Variants in COG4 observed in about 807,000 individuals in gnomAD.
COG4 encodes the protein conserved oligomeric Golgi complex subunit 4.
A neutral mutation model predicts 95.1 loss-of-function variants in COG4; 65 were observed. The observed-to-expected ratio is 0.68, with a 90% CI of 0.56 to 0.84. The LOEUF is 0.84. Among genes scored for constraint, COG4 ranks in the 40% least tolerant of loss-of-function variants. The pLI is 0.00. For missense variants in COG4, 1,045 were observed against 989.1 expected (o/e 1.06, Z -0.76); for synonymous variants, 421 against 374.8 (o/e 1.12, Z -1.42).
At chr16:70,490,911 G>A (rs536821465) in intron 12 of COG4, among the ~76,000 whole-genome samples, 2 of 151,894 alleles carry the variant, frequency 1.3e-5, no homozygotes, top group South Asian at 4.2e-4. Flanking sequence ...TGCCCACCTC[G>A]GCCTCCCAAA....
rs748072984 is a variant in COG4 at position 70,512,306 on chromosome 16, T to C, written c.671A>G (p.Lys224Arg). ...GDLPQVERFF[K>R]IFPLLGLHEE... Reference sequence around the variant, plus strand: ...ATGCAAACCCAGCAGTGGGAAGATCTTGAAGAAGCGCTCCACCTGGGGCAG... The same window carrying C: ...ATGCAAACCCAGCAGTGGGAAGATCCTGAAGAAGCGCTCCACCTGGGGCAG... The change falls in exon 5 of 19, where the codon AAG becomes AGG. Residue 224 changes from lysine (K) to arginine (R), a missense_variant. Transcript: ENST00000323786. 16 of 1,614,044 alleles carry C rather than the reference T, an allele frequency of 9.9e-6. No homozygotes were observed. The highest frequency in any genetic ancestry group is 1.7e-5 in the Admixed American group (1 of 59,986).
chr16:70,483,847 G>A lies in COG4; in HGVS notation c.1827+6C>T, dbSNP rs775214191. ...GATTCAGTCAGCAGTTGAACCTGGGGCTTACCTGCAAGAGGTCTCGGAATT... is the reference window on the plus strand; with the variant it reads ...GATTCAGTCAGCAGTTGAACCTGGGACTTACCTGCAAGAGGTCTCGGAATT... On this transcript the variant is annotated splice_donor_region_variant and intron_variant, in intron 14 of 18. Transcript: ENST00000323786. 17 of 1,603,346 alleles carry A rather than the reference G, an allele frequency of 1.1e-5. No individual in the cohort carries two copies. Among genetic ancestry groups the A allele is most frequent in the Non-Finnish European group, 1.4e-5 (16 of 1,170,754 alleles).
chr16:70,487,053 G>A (rs942146365), intron 13 of COG4, among the ~76,000 whole-genome samples: 2 of 150,654 alleles, frequency 1.3e-5, no homozygotes, highest in African/African-American at 4.9e-5. Context: ...CACTATGGGA[G>A]GCTGAGGTGG....
At chr16:70,508,275 C>A in intron 8 of COG4, 131 bp downstream of exon 8, 2 of 790,888 alleles carry the variant, frequency 2.5e-6, no homozygotes, top group Non-Finnish European at 4.4e-6. Context: ...TGATACATTG[C>A]ACTGAAAAAT....
intron 12 of COG4, among the ~76,000 whole-genome samples, chr16:70,493,093 AACATAAAAGGGTAGAACATAATTCTG>A (rs1423849489): frequency 6.6e-6 from 1 of 152,196 alleles, no homozygotes; most frequent in Non-Finnish European, 1.5e-5. Context: ...AGCTGAGCTG[AACATAAAAGGGTAGAACATAATTCTG>A]ACAGGAGATG....
At chr16:70,511,294 T>A (rs1048681351) in intron 5 of COG4, among the ~76,000 whole-genome samples, 1 of 98,342 alleles carries the variant, frequency 1.0e-5, no homozygotes, top group Non-Finnish European at 1.8e-5. Flanking sequence ...TGACAACATA[T>A]TGTTTTGTGC....
chr16:70,481,268 T>C (rs1279350417), intron 18 of COG4, 91 bp downstream of exon 18: 1 of 1,607,926 alleles, frequency 6.2e-7, no homozygotes, highest in African/African-American at 1.3e-5. Flanking sequence ...AGCTGGCTGC[T>C]GGCAGACATG....
At chr16:70,489,642 G>A (rs998856797) in intron 13 of COG4, among the ~76,000 whole-genome samples, 1 of 150,700 alleles carries the variant, frequency 6.6e-6, no homozygotes, top group African/African-American at 2.4e-5. Flanking sequence ...CTCCCAAAAT[G>A]TTAAGCTTAC....
Position 70,514,471 on chromosome 16 carries a change from G to C in COG4, c.408C>G (p.Ile136Met). 1 of 1,614,074 alleles carries C rather than the reference G, an allele frequency of 6.2e-7. No individual in the cohort carries two copies. The highest frequency in any genetic ancestry group is 1.1e-5 in the South Asian group (1 of 91,078). Reference sequence around the variant, plus strand: ...CATCCATGCAGAACTTCAGGTCCAAGATGTCATCAGCTCTCTGAATGGCCT... The same window carrying C: ...CATCCATGCAGAACTTCAGGTCCAACATGTCATCAGCTCTCTGAATGGCCT... ...LYQAIQRADD[I>M]LDLKFCMDGV... Residue 136 changes from isoleucine (I) to methionine (M), a missense_variant, in exon 4 of 19, where the codon ATC becomes ATG. Ile to Met is a conservative substitution (Grantham distance 10). Transcript: ENST00000323786.
At chr16:70,482,262 A>G (rs2049015010) in intron 15 of COG4, 87 bp from the exon 16 acceptor site, 2 of 878,986 alleles carry the variant, frequency 2.3e-6, no homozygotes, top group Admixed American at 3.5e-5. Flanking sequence ...TAAGAAAATA[A>G]TGTAAAACAT....
chr16:70,487,832 T>TA (rs2049169331), intron 13 of COG4, among the ~76,000 whole-genome samples: 2 of 152,074 alleles, frequency 1.3e-5, no homozygotes, highest in African/African-American at 4.8e-5. Context: ...CTTTTTTTTT[T>TA]ATGTTTTTTT....
chr16:70,508,040 C>G (rs2049615480), intron 8 of COG4, among the ~76,000 whole-genome samples: 1 of 151,696 alleles, frequency 6.6e-6, no homozygotes, highest in African/African-American at 2.4e-5. Flanking sequence ...CCTGCCTCAG[C>G]CTCCCGAGTA....
intron 17 of COG4, 25 bp from the exon 18 acceptor site, chr16:70,481,512 A>T: frequency 6.2e-7 from 1 of 1,610,286 alleles, no homozygotes; most frequent in East Asian, 2.2e-5. Context: ...AAGCCCAGTC[A>T]CTACTTAGGC....
intron 13 of COG4, among the ~76,000 whole-genome samples, chr16:70,488,428 A>G (rs999893082): frequency 1.3e-5 from 2 of 151,498 alleles, no homozygotes; most frequent in Non-Finnish European, 2.9e-5. Flanking sequence ...CGCCCAGCCT[A>G]TTATTGCTTT....
intron 1 of COG4, among the ~76,000 whole-genome samples, chr16:70,521,728 G>GTCTCA (rs2049946826): frequency 7.0e-6 from 1 of 143,098 alleles, no homozygotes. Context: ...TTGAGACAGA[G>GTCTCA]TCTCACTCTG....
chr16:70,519,006 CT>C (rs1477698254), intron 2 of COG4, among the ~76,000 whole-genome samples: 1 of 151,014 alleles, frequency 6.6e-6, no homozygotes, highest in African/African-American at 2.4e-5. Flanking sequence ...GGTTCTCAAA[CT>C]TGAGCTGTGC....
chr16:70,487,559 G>A (rs2049164027), intron 13 of COG4, among the ~76,000 whole-genome samples: 1 of 152,306 alleles, frequency 6.6e-6, no homozygotes, highest in African/African-American at 2.4e-5. Flanking sequence ...TCTAGCCTGG[G>A]CGACAGAGCG....
intron 3 of COG4, among the ~76,000 whole-genome samples, chr16:70,517,259 G>A (rs1354216387): frequency 6.6e-6 from 1 of 152,068 alleles, no homozygotes; most frequent in African/African-American, 2.4e-5. Context: ...GGCCAGGCAA[G>A]GTGGTTCACA....
rs558594911 is a variant in COG4 at position 70,481,693 on chromosome 16, G to C, written c.2106+71C>G. 19 of 1,425,670 alleles carry C rather than the reference G, an allele frequency of 1.3e-5. No homozygotes were observed. The East Asian group carries it at 1.6e-4, about 12-fold the overall frequency. 88.3% of individuals were successfully genotyped at this position (1,425,670 alleles called of 1,614,324 possible). On this transcript the variant is annotated intron_variant, in intron 17 of 18. Coordinates refer to ENST00000323786, the MANE Select transcript of COG4 (RefSeq NM_015386.3). Reference sequence around the variant, plus strand: ...GCAGACAGAGGGGATGCAAGTCCTGGGGGTGGTGGCATGACATGTCTTCCT... The same window carrying C: ...GCAGACAGAGGGGATGCAAGTCCTGCGGGTGGTGGCATGACATGTCTTCCT...
Sources: allele counts gnomAD v4.1 joint callset (sites outside exome capture counted in the v4.1 genomes callset), GRCh38; gene constraint gnomAD v4.1.1; transcripts MANE v1.5; gene names NCBI Gene and HGNC (gene_info 2026-07-23, HGNC 2026-07-21).